UGT1A10: variants seen among roughly 807,000 people sequenced by gnomAD.
UGT1A10 encodes UDP-glucuronosyltransferase 1A10.
In UGT1A10, 49 loss-of-function variants were observed where a neutral mutation model predicts 45.8. The ratio of observed to expected loss-of-function variants is 1.07; its 90% CI spans 0.85 to 1.36. The LOEUF (loss-of-function observed/expected upper bound fraction) is 1.36, where lower values mean the gene tolerates loss of function less well. Ranked by LOEUF, UGT1A10 falls within the 40% of genes most tolerant of loss-of-function variation. UGT1A10 has a pLI of 0.00. For missense variants in UGT1A10, 745 were observed against 668.6 expected (o/e 1.11, Z -1.26); for synonymous variants, 284 against 249.7 (o/e 1.14, Z -1.29).
intron 1 of UGT1A10, chr2:233,754,842 G>A (rs1695608877): frequency 7.4e-7 from 1 of 1,343,156 alleles, no homozygotes; most frequent in Non-Finnish European, 1.0e-6. Context: ...TTCACTGAAG[G>A]CAGAGAAAAG....
intron 1 of UGT1A10, among the ~76,000 whole-genome samples, chr2:233,666,351 A>G (rs2074075509): frequency 6.6e-6 from 1 of 152,218 alleles, no homozygotes; most frequent in Non-Finnish European, 1.5e-5. Context: ...TAATTCAGCT[A>G]TATCATTTGA....
At chr2:233,744,355 C>G (rs563473520) in intron 1 of UGT1A10, among the ~76,000 whole-genome samples, 6 of 151,952 alleles carry the variant, frequency 3.9e-5, no homozygotes, top group African/African-American at 1.2e-4. Context: ...TGAAGACATC[C>G]TGTTGTTTAG....
intron 1 of UGT1A10, among the ~76,000 whole-genome samples, chr2:233,731,482 G>A (rs562723642): frequency 2.0e-5 from 3 of 152,088 alleles, no homozygotes; most frequent in African/African-American, 7.2e-5. Flanking sequence ...TCCCTGGCCT[G>A]TGTCCAGTGT....
At chr2:233,639,081 T>C (rs1330244456) in intron 1 of UGT1A10, among the ~76,000 whole-genome samples, 1 of 152,192 alleles carries the variant, frequency 6.6e-6, no homozygotes, top group East Asian at 1.9e-4. Context: ...CAGGGTCACC[T>C]AGAGGCCTTT....
At chr2:233,762,417 C>T (rs1698066612) in intron 1 of UGT1A10, among the ~76,000 whole-genome samples, 1 of 152,158 alleles carries the variant, frequency 6.6e-6, no homozygotes, top group Admixed American at 6.5e-5. Flanking sequence ...GCTTTTTCTA[C>T]AAAATAGAGT....
chr2:233,747,449 C>G (rs1200553651), intron 1 of UGT1A10: 3 of 1,608,916 alleles, frequency 1.9e-6, no homozygotes, highest in Non-Finnish European at 2.6e-6. Flanking sequence ...CCCTGACAAC[C>G]TATGCCATTT....
At chr2:233,686,050 T>C (rs921397922) in intron 1 of UGT1A10, among the ~76,000 whole-genome samples, 1 of 152,182 alleles carries the variant, frequency 6.6e-6, no homozygotes, top group Admixed American at 6.5e-5. Flanking sequence ...TGGCAAAGAA[T>C]AGTGTCTTCA....
At chr2:233,638,564 T>C (rs575011190) in intron 1 of UGT1A10, among the ~76,000 whole-genome samples, 6 of 152,354 alleles carry the variant, frequency 3.9e-5, no homozygotes, top group African/African-American at 1.4e-4. Flanking sequence ...ATTCGGTTGC[T>C]TGTGACTGAA....
intron 1 of UGT1A10, among the ~76,000 whole-genome samples, chr2:233,726,632 C>T (rs2077548155): frequency 6.6e-6 from 1 of 152,176 alleles, no homozygotes; most frequent in Admixed American, 6.5e-5. Flanking sequence ...CCAGGACAAT[C>T]TCCCCATCTT....
At chr2:233,667,775 G>GA (rs922008483) in intron 1 of UGT1A10, among the ~76,000 whole-genome samples, 32 of 152,124 alleles carry the variant, frequency 2.1e-4, no homozygotes, top group African/African-American at 7.7e-4. Context: ...AAAGACACAT[G>GA]AAAAAATGCT....
chr2:233,757,535 AATATATATAT>A (rs67292694), intron 1 of UGT1A10, among the ~76,000 whole-genome samples: 5,616 of 88,332 alleles, frequency 0.064, 477 homozygotes, highest in Non-Finnish European at 0.086. Context: ...GCCTGTAAGG[AATATATATAT>A]ATATATATAT....
At chr2:233,690,234 G>A (rs963789268) in intron 1 of UGT1A10, among the ~76,000 whole-genome samples, 1 of 152,128 alleles carries the variant, frequency 6.6e-6, no homozygotes, top group Non-Finnish European at 1.5e-5. Flanking sequence ...TCTAGATTCA[G>A]CAAATTTCTT....
At chr2:233,672,905 A>G in intron 1 of UGT1A10, 1 of 1,508,148 alleles carries the variant, frequency 6.6e-7, no homozygotes. Context: ...ATTTCTTTCC[A>G]GTTTAACAAA....
chr2:233,769,869 A>T lies in UGT1A10; in HGVS notation c.1295+1430A>T, dbSNP rs988879005. Reference sequence around the variant, plus strand: ...TGAGACCCTGTCTCAAAAAAAAAAAAAAAAATGAAAAGTCCACATAACCTG... The same window carrying T: ...TGAGACCCTGTCTCAAAAAAAAAAATAAAAATGAAAAGTCCACATAACCTG... On this transcript the variant is annotated intron_variant, in intron 4 of 4. Transcript: ENST00000344644. This position sits in a 1 kb window ranked among gnomAD's most constrained non-coding sequence, Gnocchi z 4.4. The T allele has an allele frequency of 3.7e-5, 17 of 465,504 alleles. No individual in the cohort carries two copies. Among genetic ancestry groups the T allele is most frequent in the Non-Finnish European group, 6.1e-5 (17 of 276,814 alleles). The allele number at this position is 465,504 out of a possible 1,614,324, so 28.8% of individuals were successfully genotyped here. A position where few individuals can be genotyped will look rare whatever the true frequency, so the allele number is the denominator to read the frequency against.
chr2:233,741,302 A>G (rs1379292322), intron 1 of UGT1A10, among the ~76,000 whole-genome samples: 1 of 151,744 alleles, frequency 6.6e-6, no homozygotes, highest in Non-Finnish European at 1.5e-5. Context: ...AATTGTGTAG[A>G]TACACACCAA....
In UGT1A10 at chr2:233,649,358, C is replaced by G. The variant is rs145399942; in HGVS notation, c.855+11981C>G. ...ATCTAAGCCTTCCAAGCAATTATGA[C>G]TTTTTTAGTATTTTTGGAAAAGTAT... is the stretch of plus-strand genomic sequence containing the variant. On this transcript the variant is annotated intron_variant, in intron 1 of 4. Coordinates refer to ENST00000344644, the MANE Select transcript of UGT1A10 (RefSeq NM_019075.4). 3.5e-3 allele frequency among the ~76,000 whole-genome samples: 540 copies of G among 152,192 alleles called. 10 individuals carry two copies. The highest frequency in any genetic ancestry group is 5.0e-3 in the East Asian group (26 of 5,174).
At chr2:233,714,594 T>C (rs2076398769) in intron 1 of UGT1A10, among the ~76,000 whole-genome samples, 1 of 152,248 alleles carries the variant, frequency 6.6e-6, no homozygotes. Flanking sequence ...ACTTTTCTAG[T>C]GGGCATGTTA....
intron 1 of UGT1A10, among the ~76,000 whole-genome samples, chr2:233,744,984 T>A (rs1359972608): frequency 1.3e-5 from 2 of 151,892 alleles, no homozygotes; most frequent in Non-Finnish European, 2.9e-5. Flanking sequence ...CCTCTAGTCA[T>A]CTCTTGATTA....
chr2:233,660,656 C>T (rs1033500872), intron 1 of UGT1A10, among the ~76,000 whole-genome samples: 2 of 152,130 alleles, frequency 1.3e-5, no homozygotes, highest in African/African-American at 4.8e-5. Flanking sequence ...ACTGTATTTG[C>T]ATAAGACGAC....
Sources: gnomAD v4.1 joint callset for allele counts (sites outside exome capture counted in the v4.1 genomes callset) on GRCh38, gnomAD v4.1.1 for gene constraint, Gnocchi (gnomAD v3.1) non-coding constraint, MANE v1.5 for transcripts, NCBI Gene and HGNC (gene_info 2026-07-23, HGNC 2026-07-21) for gene names.